Variants in ADCK1 observed in about 807,000 individuals in gnomAD.
The protein encoded by ADCK1 is aarF domain containing kinase 1, also known as aarF domain-containing protein kinase 1.
In ADCK1, 41 loss-of-function variants were observed where a neutral mutation model predicts 52.3. The ratio of observed to expected loss-of-function variants is 0.78; its 90% confidence interval spans 0.61 to 1.02. The LOEUF (loss-of-function observed/expected upper bound fraction) is 1.02. ADCK1 is among the 50% of genes least tolerant of loss of function. ADCK1 has a pLI of 0.00. For synonymous variants in ADCK1, 250 were observed against 274.6 expected (o/e 0.91, Z 0.89); for missense variants, 658 against 679.5 (o/e 0.97, Z 0.35).
chr14:77,898,996 G>A, intron 5 of ADCK1, 104 bp from the exon 6 acceptor site: 1 of 1,476,754 alleles, frequency 6.8e-7, no homozygotes, highest in Non-Finnish European at 9.2e-7. Flanking sequence ...TGGGCCCCAG[G>A]GGAGCAGTTT....
chr14:77,851,597 T>C (rs1276688954), intron 3 of ADCK1, among the ~76,000 whole-genome samples: 1 of 152,222 alleles, frequency 6.6e-6, no homozygotes, highest in Non-Finnish European at 1.5e-5. Context: ...TTTTCATGGT[T>C]GTATTTTACC....
chr14:77,827,813 AT>A (rs779932200), intron 3 of ADCK1: 3 of 406,490 alleles, frequency 7.4e-6, no homozygotes, highest in South Asian at 1.7e-5. Flanking sequence ...CTCTGCTTTT[AT>A]TTTTTTAGTT....
At chr14:77,821,872 A>G (rs551302295) in intron 2 of ADCK1, among the ~76,000 whole-genome samples, 14 of 136,414 alleles carry the variant, frequency 1.0e-4, no homozygotes, top group African/African-American at 3.4e-4. Flanking sequence ...CCTGAGTGAC[A>G]GAGCAAGACT....
intron 3 of ADCK1, among the ~76,000 whole-genome samples, chr14:77,848,965 A>G (rs1427504049): frequency 6.6e-6 from 1 of 152,162 alleles, no homozygotes; most frequent in East Asian, 1.9e-4. Context: ...AGCTGGGACT[A>G]CAGGCGCCCG....
At chr14:77,806,163 C>T (rs1422479896) in intron 1 of ADCK1, among the ~76,000 whole-genome samples, 2 of 151,500 alleles carry the variant, frequency 1.3e-5, no homozygotes, top group African/African-American at 4.8e-5. Context: ...TGAGCTCAAG[C>T]GGTCTTCCCA....
At chr14:77,866,361 A>G (rs1436621064) in intron 4 of ADCK1, among the ~76,000 whole-genome samples, 1 of 152,190 alleles carries the variant, frequency 6.6e-6, no homozygotes, top group Non-Finnish European at 1.5e-5. Flanking sequence ...TTTTGCTAGA[A>G]TAATCCTCCT....
Position 77,875,699 on chromosome 14 carries a change from G to A in ADCK1, c.424-11392G>A, listed in dbSNP as rs115980618. ...TATGGACTGTTGCCTGCACGTGAGC[G>A]GCAGAGGAAATTGGGCTCCTTGGGA... On this transcript the variant is annotated intron_variant, in intron 4 of 10. Coordinates refer to ENST00000238561, the MANE Select transcript of ADCK1 (RefSeq NM_020421.4). 5.2e-3 allele frequency among the ~76,000 whole-genome samples: 787 copies of A among 152,238 alleles called. 4 individuals are homozygous for A. The highest frequency in any genetic ancestry group is 0.018 in the African/African-American group (746 of 41,530).
intron 5 of ADCK1, among the ~76,000 whole-genome samples, chr14:77,889,898 A>AC (rs1555356187): frequency 2.6e-5 from 4 of 151,560 alleles, no homozygotes; most frequent in Admixed American, 1.3e-4. Context: ...AAAAAAAAAA[A>AC]AAAAAACAGA....
chr14:77,924,401 TC>T, intron 7 of ADCK1, 55 bp from the exon 8 acceptor site: 2 of 1,593,572 alleles, frequency 1.3e-6, no homozygotes, highest in Non-Finnish European at 1.7e-6. Context: ...CAGACAGAGG[TC>T]CCTCGGATAG....
chr14:77,806,137 G>A (rs904206035), intron 1 of ADCK1, among the ~76,000 whole-genome samples: 3 of 151,374 alleles, frequency 2.0e-5, no homozygotes, highest in Non-Finnish European at 2.9e-5. Flanking sequence ...ATGTTGCCCC[G>A]GCTGGTCTGG....
At chr14:77,874,660 GTGTATTCAT>G (rs1285128166) in intron 4 of ADCK1, among the ~76,000 whole-genome samples, 1 of 147,620 alleles carries the variant, frequency 6.8e-6, no homozygotes, top group African/African-American at 2.4e-5. Flanking sequence ...CCAATCATTT[GTGTATTCAT>G]TGTTTGACTT....
chr14:77,816,591 C>T (rs935085233), intron 1 of ADCK1, among the ~76,000 whole-genome samples: 16 of 152,258 alleles, frequency 1.1e-4, no homozygotes, highest in African/African-American at 2.6e-4. Flanking sequence ...GGAAGCTTCA[C>T]GCCCTTTCGC....
chr14:77,886,916 AC>A (rs879910273), intron 4 of ADCK1, among the ~76,000 whole-genome samples, 174 bp from the exon 5 acceptor site: 57,713 of 109,002 alleles, frequency 0.53, 11,775 homozygotes, highest in Admixed American at 0.62. Flanking sequence ...CAACACACAC[AC>A]ACACACACAC....
chr14:77,924,289 A>T, intron 7 of ADCK1, 168 bp from the exon 8 acceptor site: 1 of 434,992 alleles, frequency 2.3e-6, no homozygotes, highest in Non-Finnish European at 3.4e-6. Flanking sequence ...AAGAAATCTT[A>T]AACTCAAAGA....
At chr14:77,933,152 A>G (rs2084377337) in intron 10 of ADCK1, 68 bp from the exon 11 acceptor site, 1 of 1,527,302 alleles carries the variant, frequency 6.5e-7, no homozygotes, top group African/African-American at 1.4e-5. Context: ...TAGTTTTTCT[A>G]AATGATACAG....
intron 7 of ADCK1, among the ~76,000 whole-genome samples, chr14:77,917,551 A>G (rs2083953212): frequency 6.6e-6 from 1 of 152,244 alleles, no homozygotes; most frequent in African/African-American, 2.4e-5. Flanking sequence ...TAACTCATTG[A>G]TTTAAATATT....
chr14:77,846,698 C>T (rs1321855275), intron 3 of ADCK1, among the ~76,000 whole-genome samples: 1 of 152,202 alleles, frequency 6.6e-6, no homozygotes, highest in African/African-American at 2.4e-5. Context: ...AGGAGGCCTT[C>T]CCACTGGGGA....
intron 3 of ADCK1, among the ~76,000 whole-genome samples, chr14:77,840,512 T>C (rs2082045131): frequency 1.3e-5 from 2 of 152,102 alleles, no homozygotes; most frequent in Non-Finnish European, 2.9e-5. Flanking sequence ...CGGGCCAATC[T>C]GAGTAATTCT....
At chr14:77,909,127 CTTTTTTTTTTT>C (rs55821210) in intron 7 of ADCK1, among the ~76,000 whole-genome samples, 2 of 103,320 alleles carry the variant, frequency 1.9e-5, no homozygotes, top group African/African-American at 7.8e-5. Flanking sequence ...GAGGTAAATG[CTTTTTTTTTTT>C]TTTTTTTTTT....
Sources: gnomAD v4.1 joint callset for allele counts (sites outside exome capture counted in the v4.1 genomes callset) on GRCh38, gnomAD v4.1.1 for gene constraint, MANE v1.5 for transcripts, NCBI Gene and HGNC (gene_info 2026-07-23, HGNC 2026-07-21) for gene names.